The following ANKRD55 variants were observed in gnomAD, a reference collection of about 807,000 sequenced individuals.
ANKRD55 encodes the protein ankyrin repeat domain-containing protein 55.
Under a neutral mutation model 60.6 loss-of-function variants are expected in ANKRD55, and 41 were observed. That is an observed-to-expected ratio of 0.68 (90% CI 0.53 to 0.88). The LOEUF is 0.88. Among genes scored for constraint, ANKRD55 ranks in the 40% least tolerant of loss-of-function variants. ANKRD55 has a pLI of 0.00. For synonymous variants in ANKRD55, 264 were observed against 290.3 expected (o/e 0.91, Z 0.92); for missense variants, 732 against 767.6 (o/e 0.95, Z 0.55).
chr5:56,141,599 T>C (rs1019072907), intron 7 of ANKRD55, among the ~76,000 whole-genome samples: 2 of 152,360 alleles, frequency 1.3e-5, no homozygotes, highest in Non-Finnish European at 2.9e-5. Flanking sequence ...TTCAGGTAGC[T>C]GAACATGTGG....
At chr5:56,136,289 G>T (rs1316549494) in intron 7 of ANKRD55, among the ~76,000 whole-genome samples, 1 of 152,140 alleles carries the variant, frequency 6.6e-6, no homozygotes, top group Admixed American at 6.5e-5. Flanking sequence ...AGAGGCAAAA[G>T]ACACAGAATA....
In ANKRD55 at chr5:56,197,423, TA is replaced by T. The variant is rs373617260; in HGVS notation, c.59-13790del. Among the ~76,000 whole-genome samples, 23 of 152,348 alleles carry T rather than the reference TA, an allele frequency of 1.5e-4. No homozygotes were observed. The East Asian group carries it at 2.5e-3, about 17-fold the overall frequency. ...GTAAAAACAATTTAAATTGAAGTAG[TA>T]AATGCTATTTTATAACATACAGAGC... On this transcript the variant is annotated intron_variant, in intron 2 of 11. Coordinates refer to ENST00000341048, the MANE Select transcript of ANKRD55 (RefSeq NM_024669.3).
At chr5:56,193,509 C>T in intron 2 of ANKRD55, 1 of 445,208 alleles carries the variant, frequency 2.2e-6, no homozygotes, top group Admixed American at 3.3e-5. Flanking sequence ...TGTTAGAATA[C>T]CTCGTTTATC....
intron 2 of ANKRD55, among the ~76,000 whole-genome samples, chr5:56,210,982 G>C (rs142828433): frequency 6.6e-6 from 1 of 152,224 alleles, no homozygotes; most frequent in East Asian, 1.9e-4. Context: ...CCTGTAGCCT[G>C]TTCACTGGAA....
intron 2 of ANKRD55, among the ~76,000 whole-genome samples, chr5:56,229,180 A>G (rs1004377936): frequency 3.3e-5 from 5 of 151,390 alleles, no homozygotes; most frequent in African/African-American, 1.2e-4. Flanking sequence ...AAGTCGTGAC[A>G]AAGCTTACAA....
At chr5:56,108,904 G>A (rs1756579355) in intron 10 of ANKRD55, among the ~76,000 whole-genome samples, 1 of 152,162 alleles carries the variant, frequency 6.6e-6, no homozygotes, top group South Asian at 2.1e-4. Context: ...AGGCGTGGTG[G>A]CACATGCCTG....
intron 2 of ANKRD55, among the ~76,000 whole-genome samples, chr5:56,197,423 T>C (rs1207653469): frequency 6.6e-6 from 1 of 152,230 alleles, no homozygotes; most frequent in African/African-American, 2.4e-5. Context: ...ATTGAAGTAG[T>C]AAATGCTATT....
intron 2 of ANKRD55, among the ~76,000 whole-genome samples, 200 bp downstream of exon 2, chr5:56,232,656 A>G (rs1760285359): frequency 6.6e-6 from 1 of 152,114 alleles, no homozygotes; most frequent in East Asian, 1.9e-4. Context: ...ATCAAACTAG[A>G]AGTGAACATT....
chr5:56,116,872 G>A, intron 8 of ANKRD55, 90 bp from the exon 9 acceptor site: 1 of 1,337,342 alleles, frequency 7.5e-7, no homozygotes, highest in Non-Finnish European at 9.9e-7. Context: ...TCAAAGTCAG[G>A]TTGAGGTAGG....
chr5:56,192,155 A>G (rs150407369), intron 2 of ANKRD55, among the ~76,000 whole-genome samples: 9 of 152,052 alleles, frequency 5.9e-5, no homozygotes, highest in South Asian at 2.1e-4. Flanking sequence ...TTTGTCATCT[A>G]TGTTTCTTTC....
chr5:56,214,574 A>G (rs1224256123), intron 2 of ANKRD55, among the ~76,000 whole-genome samples: 1 of 152,240 alleles, frequency 6.6e-6, no homozygotes, highest in African/African-American at 2.4e-5. Context: ...GCTGGAGCAC[A>G]CAGTAAGCAG....
chr5:56,111,437 G>C lies in ANKRD55; in HGVS notation c.1311C>G (p.Leu437=), dbSNP rs777888539. The part of the protein sequence containing the change: ...KGLPPIRTQS[L]PPITLGNNFL... ...AGTTATTGCCCAGGGTGATGGGTGG[G>C]AGACTCTGCGTTCTGATTGGTGGAA... is the stretch of plus-strand genomic sequence containing the variant. Residue 437 remains leucine (L), a synonymous_variant, in exon 10 of 12, where the codon CTC becomes CTG. Coordinates refer to ENST00000341048, the MANE Select transcript of ANKRD55 (RefSeq NM_024669.3). The C allele has an allele frequency of 3.7e-6, 6 of 1,614,040 alleles. No homozygotes were observed. The African/African-American group carries it at 5.3e-5, about 14-fold the overall frequency.
chr5:56,101,157 G>C (rs906248845), intron 11 of ANKRD55, among the ~76,000 whole-genome samples: 2 of 152,080 alleles, frequency 1.3e-5, no homozygotes, highest in African/African-American at 4.8e-5. Context: ...TAGAGCTCTT[G>C]GTTTGTCTCC....
At position 56,119,711 on chromosome 5, in the gene ANKRD55, C is replaced by T. The variant is rs941970248; in HGVS notation, c.798-2929G>A. Among the ~76,000 whole-genome samples, 6 of 151,908 alleles carry T rather than the reference C, an allele frequency of 3.9e-5. No homozygotes were observed. The South Asian group carries it at 6.2e-4, about 16-fold the overall frequency. ...GGGAGATTGCTTGAGCTCAGGAGTT[C>T]GACACCAGCCTGGGCAACATGGCAA... On this transcript the variant is annotated intron_variant, in intron 8 of 11. Transcript: ENST00000341048.
At chr5:56,219,733 G>A (rs751956614) in intron 2 of ANKRD55, among the ~76,000 whole-genome samples, 11 of 152,160 alleles carry the variant, frequency 7.2e-5, no homozygotes, top group East Asian at 1.9e-4. Flanking sequence ...CCTTTTGCAC[G>A]AACCTTTGAC....
rs1030611087 is a variant in ANKRD55, at chr5:56,205,831, A to G, written c.59-22197T>C. Among the ~76,000 whole-genome samples the G allele has an allele frequency of 7.2e-5, 11 of 152,142 alleles. No individual in the cohort carries two copies. In the East Asian group the frequency reaches 1.3e-3, roughly 19 times the overall value. On this transcript the variant is annotated intron_variant, in intron 2 of 11. Transcript: ENST00000341048. ...CAAATGTCAGAGACTGAACAAGTCT[A>G]TTGCCCTGCAGTCCCTGAGCTTTGA...
intron 7 of ANKRD55, among the ~76,000 whole-genome samples, chr5:56,142,889 T>C (rs887314435): frequency 2.0e-5 from 3 of 152,226 alleles, no homozygotes; most frequent in African/African-American, 7.2e-5. Context: ...GCAGAGAAAC[T>C]GAAGCCAAGG....
At chr5:56,193,307 G>T in intron 2 of ANKRD55, 1 of 1,054,302 alleles carries the variant, frequency 9.5e-7, no homozygotes. Flanking sequence ...AAATGTAGAA[G>T]CAGGAGATTC....
chr5:56,173,235 T>C (rs6885011), intron 4 of ANKRD55, among the ~76,000 whole-genome samples: 10,868 of 152,256 alleles, frequency 0.071, 558 homozygotes, highest in African/African-American at 0.14. Flanking sequence ...TCTCACTCTG[T>C]CGCCCAGGCT....
Sources: allele counts gnomAD v4.1 joint callset (sites outside exome capture counted in the v4.1 genomes callset), GRCh38; gene constraint gnomAD v4.1.1; transcripts MANE v1.5; gene names NCBI Gene and HGNC (gene_info 2026-07-23, HGNC 2026-07-21).